PDCD1LG2: variants seen among roughly 807,000 people sequenced by gnomAD.
PDCD1LG2 encodes the protein B7 dendritic cell molecule.
PDCD1LG2 carries 32 observed loss-of-function variants against 28.2 expected under a neutral mutation model. The observed-to-expected ratio is 1.13, with a 90% CI of 0.86 to 1.52. PDCD1LG2 has a LOEUF of 1.52. PDCD1LG2 is among the 40% of genes most tolerant of loss of function. PDCD1LG2 has a pLI of 0.00. For missense variants in PDCD1LG2, 385 were observed against 323.8 expected, an observed-to-expected ratio of 1.19 and a Z score of -1.45; for synonymous variants, 116 against 120.2, an observed-to-expected ratio of 0.97 and a Z score of 0.23.
chr9:5,532,245 A>C (rs970192502), intron 2 of PDCD1LG2, among the ~76,000 whole-genome samples: 9 of 152,228 alleles, frequency 5.9e-5, no homozygotes, highest in Non-Finnish European at 1.2e-4. Context: ...CCTCCTGCAC[A>C]AAAGAATGCT....
chr9:5,550,252 G>A (rs1816303556), intron 4 of PDCD1LG2, among the ~76,000 whole-genome samples: 1 of 152,138 alleles, frequency 6.6e-6, no homozygotes. Context: ...GACTATGCTG[G>A]ATATTTTTGG....
chr9:5,542,544 C>T (rs1820706642), intron 3 of PDCD1LG2, among the ~76,000 whole-genome samples: 2 of 152,186 alleles, frequency 1.3e-5, no homozygotes, highest in South Asian at 4.1e-4. Context: ...ATAGACAATT[C>T]TCACAAGGAG....
intron 6 of PDCD1LG2, among the ~76,000 whole-genome samples, chr9:5,567,572 C>G (rs1489253012): frequency 6.6e-6 from 1 of 152,168 alleles, no homozygotes; most frequent in East Asian, 1.9e-4. Flanking sequence ...AGTTTACAGA[C>G]CATGTATCCT....
chr9:5,542,635 C>T (rs1458847979), intron 3 of PDCD1LG2, among the ~76,000 whole-genome samples: 4 of 152,052 alleles, frequency 2.6e-5, no homozygotes, highest in East Asian at 3.8e-4. Flanking sequence ...AACCACACTG[C>T]GATACCACCT....
At chr9:5,556,041 G>A (rs1287821764) in intron 4 of PDCD1LG2, among the ~76,000 whole-genome samples, 1 of 152,234 alleles carries the variant, frequency 6.6e-6, no homozygotes, top group Non-Finnish European at 1.5e-5. Flanking sequence ...TCATGTAGCT[G>A]TTGCTTGGCT....
intron 1 of PDCD1LG2, among the ~76,000 whole-genome samples, chr9:5,519,939 C>G (rs999240230): frequency 3.3e-5 from 5 of 152,098 alleles, no homozygotes; most frequent in Non-Finnish European, 7.3e-5. Flanking sequence ...TATAGAAGGC[C>G]TAAACAAAGG....
At chr9:5,519,052 G>A (rs1030566832) in intron 1 of PDCD1LG2, among the ~76,000 whole-genome samples, 3 of 152,226 alleles carry the variant, frequency 2.0e-5, no homozygotes, top group Admixed American at 6.5e-5. Context: ...GCCACAAAGG[G>A]CCACATGGGG....
At chr9:5,538,414 G>A (rs566058245) in intron 3 of PDCD1LG2, among the ~76,000 whole-genome samples, 12 of 152,132 alleles carry the variant, frequency 7.9e-5, no homozygotes, top group African/African-American at 2.4e-4. Context: ...GGCCGGGCGC[G>A]GTGGCTCACG....
At chr9:5,520,185 A>G in intron 1 of PDCD1LG2, among the ~76,000 whole-genome samples, 1 of 152,236 alleles carries the variant, frequency 6.6e-6, no homozygotes, top group East Asian at 1.9e-4. Context: ...TTCCAGTTTC[A>G]AAACTTACTA....
chr9:5,566,752 T>C (rs560331676), intron 6 of PDCD1LG2, among the ~76,000 whole-genome samples: 2 of 152,318 alleles, frequency 1.3e-5, no homozygotes, highest in South Asian at 4.1e-4. Flanking sequence ...GAACCTATAA[T>C]AAATAGACCC....
Position 5,570,256 on chromosome 9 carries a change from T to C in PDCD1LG2, c.*297T>C. 1 of 357,092 alleles carries C rather than the reference T, an allele frequency of 2.8e-6. No homozygotes were observed. Among genetic ancestry groups the C allele is most frequent in the Non-Finnish European group, 5.0e-6 (1 of 198,060 alleles). The allele number at this position is 357,092 out of a possible 1,614,324, so 22.1% of individuals were successfully genotyped here. On this transcript the variant is annotated 3_prime_UTR_variant, in exon 7 of 7. Transcript: ENST00000397747. Reference sequence around the variant, plus strand: ...CACAGAATTCCTTCAGGATCCTTCTTGCTGCCAGACTGAAAGCAAAAGGAA... The same window carrying C: ...CACAGAATTCCTTCAGGATCCTTCTCGCTGCCAGACTGAAAGCAAAAGGAA...
intron 3 of PDCD1LG2, among the ~76,000 whole-genome samples, chr9:5,544,566 C>A (rs944286814): frequency 6.6e-6 from 1 of 152,158 alleles, no homozygotes; most frequent in Non-Finnish European, 1.5e-5. Flanking sequence ...CAACACAGAG[C>A]AGAGAAGAAA....
intron 3 of PDCD1LG2, among the ~76,000 whole-genome samples, chr9:5,543,155 GAGCTA>G (rs1820719229): frequency 6.6e-6 from 1 of 152,144 alleles, no homozygotes; most frequent in South Asian, 2.1e-4. Flanking sequence ...TCATAAGTGC[GAGCTA>G]AGCTATGAGG....
At chr9:5,553,015 G>A (rs1227029336) in intron 4 of PDCD1LG2, among the ~76,000 whole-genome samples, 1 of 152,216 alleles carries the variant, frequency 6.6e-6, no homozygotes, top group Non-Finnish European at 1.5e-5. Flanking sequence ...GCCAAGGCAG[G>A]AGGATCACTT....
At position 5,552,034 on chromosome 9, in the gene PDCD1LG2, C is replaced by T. The variant is rs563792142; in HGVS notation, c.631+2430C>T. Among the ~76,000 whole-genome samples, 12 of 152,316 alleles carry T rather than the reference C, an allele frequency of 7.9e-5. 1 individual carries two copies. In the South Asian group the frequency reaches 1.7e-3, roughly 21 times the overall value. On this transcript the variant is annotated intron_variant, in intron 4 of 6. Transcript: ENST00000397747. ...CCTAACACCCCAGATGGAATGGTTT[C>T]TTTGCCTGATAGGGTGACCCAGACT...
intron 2 of PDCD1LG2, among the ~76,000 whole-genome samples, chr9:5,526,371 A>G (rs1478601969): frequency 6.6e-6 from 1 of 152,180 alleles, no homozygotes; most frequent in African/African-American, 2.4e-5. Flanking sequence ...CTAGCCCAAT[A>G]AAACCTCCTT....
At chr9:5,541,327 T>C (rs188766408) in intron 3 of PDCD1LG2, among the ~76,000 whole-genome samples, 109 of 152,280 alleles carry the variant, frequency 7.2e-4, no homozygotes, top group African/African-American at 2.6e-3. Flanking sequence ...TCACCACTTT[T>C]ATTCAGCATA....
chr9:5,534,730 T>G lies in PDCD1LG2; in HGVS notation c.56-15T>G. The G allele has an allele frequency of 6.3e-7, 1 of 1,575,418 alleles. No homozygotes were observed. Among genetic ancestry groups the G allele is most frequent in the East Asian group, 2.3e-5 (1 of 44,350 alleles). On this transcript the variant is annotated splice_polypyrimidine_tract_variant and intron_variant, in intron 2 of 6. Transcript: ENST00000397747. Reference sequence around the variant, plus strand: ...TAAAGGCAGACAATGACAAAATATCTTGTTTTCTTTTCAGCTTTATTCACA... The same window carrying G: ...TAAAGGCAGACAATGACAAAATATCGTGTTTTCTTTTCAGCTTTATTCACA...
intron 3 of PDCD1LG2, among the ~76,000 whole-genome samples, chr9:5,546,968 T>A (rs1816223160): frequency 6.6e-6 from 1 of 152,070 alleles, no homozygotes; most frequent in Non-Finnish European, 1.5e-5. Flanking sequence ...TGAACCCAGA[T>A]CTAGTGGGTG....
Sources: allele counts gnomAD v4.1 joint callset (sites outside exome capture counted in the v4.1 genomes callset), GRCh38; gene constraint gnomAD v4.1.1; transcripts MANE v1.5; gene names NCBI Gene and HGNC (gene_info 2026-07-23, HGNC 2026-07-21).